BAZ2B: variants seen among roughly 807,000 people sequenced by gnomAD.
BAZ2B encodes bromodomain adjacent to zinc finger domain 2B.
In BAZ2B, 91 loss-of-function variants were observed where a neutral mutation model predicts 246.0. The observed-to-expected ratio is 0.37, with a 90% confidence interval of 0.31 to 0.44. The LOEUF (loss-of-function observed/expected upper bound fraction) is 0.44, where lower values mean the gene tolerates loss of function less well. Ranked by LOEUF, BAZ2B falls within the 20% of genes least tolerant of loss-of-function variation. BAZ2B has a pLI of 1.00. For synonymous variants in BAZ2B, 855 were observed against 860.0 expected (o/e 0.99, Z 0.10); for missense variants, 2,332 against 2,533.7 (o/e 0.92, Z 1.71).
intron 2 of BAZ2B, among the ~76,000 whole-genome samples, chr2:159,491,742 A>AAAAAAAAAAAAAAAAAAT (rs2080522905): frequency 6.8e-6 from 1 of 147,442 alleles, no homozygotes; most frequent in African/African-American, 2.5e-5. Context: ...AAAAAAAAAA[A>AAAAAAAAAAAAAAAAAAT]AAAAGTCTTC....
chr2:159,626,352 C>T, the BAZ2B span, among the ~76,000 whole-genome samples: 112 of 152,250 alleles, frequency 7.4e-4, 2 homozygotes, highest in East Asian at 0.02. Flanking sequence ...TAACTCTCCA[C>T]CCCAAATCAA....
At chr2:159,612,296 A>G (rs898967994) in intron 1 of BAZ2B, among the ~76,000 whole-genome samples, 3 of 152,092 alleles carry the variant, frequency 2.0e-5, no homozygotes, top group Non-Finnish European at 4.4e-5. Context: ...TAAAAAGGCA[A>G]CAGTATTTTT....
chr2:159,435,482 A>C (rs2072077750), intron 8 of BAZ2B: 1 of 152,168 alleles, frequency 6.6e-6, no homozygotes, highest in Non-Finnish European at 1.5e-5. Context: ...CAGCCTCCTG[A>C]GTAGCTGCAA....
At chr2:159,341,522 G>C (rs2066715071) in intron 31 of BAZ2B, among the ~76,000 whole-genome samples, 1 of 152,092 alleles carries the variant, frequency 6.6e-6, no homozygotes, top group Non-Finnish European at 1.5e-5. Context: ...CTGCACCATA[G>C]ACCAAATGGA....
At position 159,448,273 on chromosome 2, in the gene BAZ2B, C is replaced by A. The variant is rs771168509; in HGVS notation, c.471G>T (p.Ser157=). 1 of 1,612,182 alleles carries A rather than the reference C, an allele frequency of 6.2e-7. No homozygotes were observed. Among genetic ancestry groups the A allele is most frequent in the East Asian group, 2.2e-5 (1 of 44,838 alleles). ...HDSSSFHSRT[S]GKSNRNGPEK... Reference sequence around the variant, plus strand: ...CGGGACCATTTCGATTACTTTTTCCCGAAGTCCTTGAATGGAATGAAGAAG... The same window carrying A: ...CGGGACCATTTCGATTACTTTTTCCAGAAGTCCTTGAATGGAATGAAGAAG... Residue 157 remains serine (S), a synonymous_variant, in exon 5 of 37, where the codon TCG becomes TCT. Transcript: ENST00000392783.
intron 13 of BAZ2B, among the ~76,000 whole-genome samples, chr2:159,416,013 G>T (rs1294558765): frequency 6.6e-6 from 1 of 152,110 alleles, no homozygotes; most frequent in Admixed American, 6.6e-5. Context: ...ACCCATGACT[G>T]TCTCACTCTA....
At chr2:159,328,030 A>C (rs919984314) in intron 34 of BAZ2B, among the ~76,000 whole-genome samples, 1 of 142,274 alleles carries the variant, frequency 7.0e-6, no homozygotes, top group Non-Finnish European at 1.5e-5. Context: ...ACACCACTGC[A>C]CTCCAGCTTG....
intron 6 of BAZ2B, among the ~76,000 whole-genome samples, chr2:159,445,974 T>C (rs550452086): frequency 1.4e-4 from 22 of 152,108 alleles, no homozygotes; most frequent in African/African-American, 4.8e-4. Context: ...ATTACCTCGG[T>C]GTGGTAGCAT....
intron 1 of BAZ2B, among the ~76,000 whole-genome samples, chr2:159,565,413 T>A (rs1040623597): frequency 1.3e-5 from 2 of 152,114 alleles, no homozygotes. Flanking sequence ...CACATGCTGA[T>A]GACATGATCT....
upstream of BAZ2B, chr2:159,616,835 TAAAA>T (rs994153398): frequency 6.6e-6 from 1 of 152,092 alleles, no homozygotes; most frequent in Admixed American, 6.6e-5. Context: ...ACTTAGTTTT[TAAAA>T]AAACAAAAGC....
At chr2:159,376,180 G>A (rs1160058013) in intron 25 of BAZ2B, among the ~76,000 whole-genome samples, 2 of 152,154 alleles carry the variant, frequency 1.3e-5, no homozygotes, top group Non-Finnish European at 2.9e-5. Context: ...TGGTGATAAT[G>A]TTACCTACTA....
At chr2:159,433,666 A>G (rs2071576791) in intron 8 of BAZ2B, 1 of 213,058 alleles carries the variant, frequency 4.7e-6, no homozygotes, top group Non-Finnish European at 9.3e-6. Context: ...TTTTCTTTGC[A>G]TGAAATAGCC....
At chr2:159,558,256 T>C (rs2089441551) in intron 1 of BAZ2B, among the ~76,000 whole-genome samples, 1 of 151,978 alleles carries the variant, frequency 6.6e-6, no homozygotes, top group Non-Finnish European at 1.5e-5. Context: ...AATTTATTTA[T>C]TTATTTATTT....
the BAZ2B span, among the ~76,000 whole-genome samples, chr2:159,686,188 C>T: frequency 3.9e-5 from 6 of 152,068 alleles, no homozygotes; most frequent in Non-Finnish European, 7.4e-5. Context: ...AGCCCTTGAA[C>T]CCAGGAGTTC....
intron 2 of BAZ2B, among the ~76,000 whole-genome samples, chr2:159,503,771 G>A (rs914291126): frequency 1.3e-5 from 2 of 152,028 alleles, no homozygotes. Context: ...AGTAGAGACA[G>A]GGTTTCACCA....
chr2:159,450,252 G>A (rs1485945799), intron 4 of BAZ2B, among the ~76,000 whole-genome samples: 1 of 152,030 alleles, frequency 6.6e-6, no homozygotes, highest in Non-Finnish European at 1.5e-5. Context: ...GTATAGTTCT[G>A]TAATCCTCAC....
chr2:159,537,980 T>G (rs938565186), intron 2 of BAZ2B, among the ~76,000 whole-genome samples: 1 of 152,112 alleles, frequency 6.6e-6, no homozygotes, highest in Non-Finnish European at 1.5e-5. Context: ...GAGTAAATAC[T>G]ATGTGCAATT....
chr2:159,632,561 T>C, the BAZ2B span, among the ~76,000 whole-genome samples: 2 of 152,232 alleles, frequency 1.3e-5, no homozygotes, highest in East Asian at 1.9e-4. Context: ...TATGTAGTGG[T>C]GTGCTACTGT....
chr2:159,658,824 T>C, the BAZ2B span, among the ~76,000 whole-genome samples: 7 of 152,102 alleles, frequency 4.6e-5, no homozygotes, highest in African/African-American at 1.7e-4. Flanking sequence ...TAGCTAAATT[T>C]TATTTGTATT....
Sources: gnomAD v4.1 joint callset for allele counts (sites outside exome capture counted in the v4.1 genomes callset) on GRCh38, gnomAD v4.1.1 for gene constraint, MANE v1.5 for transcripts, NCBI Gene and HGNC (gene_info 2026-07-23, HGNC 2026-07-21) for gene names.